The following GABRB1 variants were observed in gnomAD, a reference collection of about 807,000 sequenced individuals.
GABRB1 encodes the protein gamma-aminobutyric acid receptor subunit beta-1.
A neutral mutation model predicts 51.6 loss-of-function variants in GABRB1; 17 were observed. The ratio of observed to expected loss-of-function variants is 0.33; its 90% CI spans 0.23 to 0.49. The LOEUF is 0.49. Among genes scored for constraint, GABRB1 ranks in the 20% least tolerant of loss-of-function variants. GABRB1 has a pLI of 0.99. For synonymous variants in GABRB1, 247 were observed against 218.9 expected (o/e 1.13, Z -1.14); for missense variants, 410 against 600.6 (o/e 0.68, Z 3.32).
intron 3 of GABRB1, among the ~76,000 whole-genome samples, chr4:47,155,915 T>TTATATATATA (rs1577958436): frequency 3.5e-5 from 1 of 28,456 alleles, no homozygotes; most frequent in Non-Finnish European, 1.0e-4. Flanking sequence ...AGAGGTATTT[T>TTATATATATA]CATATATATA....
intron 1 of GABRB1, among the ~76,000 whole-genome samples, chr4:47,002,713 T>C (rs1481227806): frequency 1.3e-5 from 2 of 152,168 alleles, no homozygotes; most frequent in Non-Finnish European, 1.5e-5. Flanking sequence ...AATTAAACTT[T>C]CACTTTCCAA....
intron 7 of GABRB1, among the ~76,000 whole-genome samples, chr4:47,404,319 A>G (rs1313244333): frequency 6.6e-6 from 1 of 152,162 alleles, no homozygotes; most frequent in Non-Finnish European, 1.5e-5. Context: ...GTCATGGTTA[A>G]TTAATTGCTG....
At chr4:47,042,062 C>G (rs544337201) in intron 3 of GABRB1, among the ~76,000 whole-genome samples, 1 of 152,036 alleles carries the variant, frequency 6.6e-6, no homozygotes, top group African/African-American at 2.4e-5. Context: ...TTGCCTTTAT[C>G]CCCCTACTAT....
chr4:47,102,203 A>G (rs1300239374), intron 3 of GABRB1, among the ~76,000 whole-genome samples: 1 of 152,010 alleles, frequency 6.6e-6, no homozygotes, highest in African/African-American at 2.4e-5. Flanking sequence ...TAGGAATCCT[A>G]GTAGGATGGG....
chr4:47,135,050 T>C (rs1043167917), intron 3 of GABRB1, among the ~76,000 whole-genome samples: 1 of 151,904 alleles, frequency 6.6e-6, no homozygotes, highest in Admixed American at 6.6e-5. Flanking sequence ...AGTTCAGGAG[T>C]TCAAGGCTGC....
chr4:47,338,492 C>T (rs1470469724), intron 5 of GABRB1, among the ~76,000 whole-genome samples: 1 of 152,168 alleles, frequency 6.6e-6, no homozygotes, highest in Non-Finnish European at 1.5e-5. Flanking sequence ...TTTAACTAAG[C>T]ATTAAATTCC....
intron 3 of GABRB1, among the ~76,000 whole-genome samples, chr4:47,123,767 T>G (rs188001261): frequency 1.7e-4 from 15 of 87,388 alleles, no homozygotes; most frequent in South Asian, 3.0e-4. Flanking sequence ...TATAATATAT[T>G]ATATATCATA....
At chr4:47,126,846 G>A (rs1048422925) in intron 3 of GABRB1, among the ~76,000 whole-genome samples, 2 of 152,012 alleles carry the variant, frequency 1.3e-5, no homozygotes, top group Non-Finnish European at 1.5e-5. Flanking sequence ...GGAAAATATT[G>A]CAGGAAGATT....
At chr4:47,272,618 T>C (rs1370004339) in intron 4 of GABRB1, among the ~76,000 whole-genome samples, 1 of 152,106 alleles carries the variant, frequency 6.6e-6, no homozygotes, top group Non-Finnish European at 1.5e-5. Flanking sequence ...AAATTAAAAA[T>C]AATTCACCCT....
chr4:46,999,819 C>T (rs889993298), intron 1 of GABRB1, among the ~76,000 whole-genome samples: 2 of 152,196 alleles, frequency 1.3e-5, no homozygotes, highest in Admixed American at 6.5e-5. Flanking sequence ...GACATCACAG[C>T]CTGAATATTC....
chr4:47,275,542 C>T (rs1212619633), intron 4 of GABRB1, among the ~76,000 whole-genome samples: 3 of 152,100 alleles, frequency 2.0e-5, no homozygotes, highest in East Asian at 3.8e-4. Context: ...GATAAAGTCT[C>T]AGCATAAGGA....
At chr4:47,415,375 C>A (rs1342477638) in intron 8 of GABRB1, among the ~76,000 whole-genome samples, 1 of 151,232 alleles carries the variant, frequency 6.6e-6, no homozygotes, top group Non-Finnish European at 1.5e-5. Flanking sequence ...TTGTTTTGAC[C>A]CTTCCCTCAT....
At chr4:47,039,578 T>C (rs2109484858) in intron 3 of GABRB1, among the ~76,000 whole-genome samples, 1 of 152,212 alleles carries the variant, frequency 6.6e-6, no homozygotes, top group Non-Finnish European at 1.5e-5. Flanking sequence ...GGTGCTATGA[T>C]AGAGACATGT....
chr4:47,006,857 A>G (rs1025062972), intron 1 of GABRB1, among the ~76,000 whole-genome samples: 2 of 152,226 alleles, frequency 1.3e-5, no homozygotes, highest in Admixed American at 1.3e-4. Flanking sequence ...AGTTTACTTA[A>G]AAGAGATAAA....
chr4:47,018,056 TC>T (rs967270775), intron 1 of GABRB1, among the ~76,000 whole-genome samples: 11 of 151,994 alleles, frequency 7.2e-5, no homozygotes, highest in Non-Finnish European at 1.3e-4. Flanking sequence ...TTCCTCCTCC[TC>T]CTCTTCTTCC....
At chr4:47,080,383 C>T (rs1370510343) in intron 3 of GABRB1, among the ~76,000 whole-genome samples, 1 of 151,488 alleles carries the variant, frequency 6.6e-6, no homozygotes. Flanking sequence ...TTTCCTTTTC[C>T]TTGTGCATGA....
chr4:47,393,722 C>T (rs915074824), intron 5 of GABRB1, among the ~76,000 whole-genome samples: 1 of 152,176 alleles, frequency 6.6e-6, no homozygotes, highest in African/African-American at 2.4e-5. Context: ...ACTTCTTCTG[C>T]CAGGCAGGCC....
At chr4:47,037,652 C>T (rs116127199) in intron 3 of GABRB1, among the ~76,000 whole-genome samples, 45 of 151,214 alleles carry the variant, frequency 3.0e-4, no homozygotes, top group African/African-American at 1.0e-3. Flanking sequence ...TTTAGGATTG[C>T]AGAATCAGAC....
intron 3 of GABRB1, among the ~76,000 whole-genome samples, chr4:47,083,287 G>A (rs1480108065): frequency 1.3e-5 from 2 of 152,196 alleles, no homozygotes; most frequent in Admixed American, 1.3e-4. Flanking sequence ...GGGTTATACT[G>A]ACCTATGCTT....
Sources: gnomAD v4.1 joint callset for allele counts (sites outside exome capture counted in the v4.1 genomes callset) on GRCh38, gnomAD v4.1.1 for gene constraint, MANE v1.5 for transcripts, NCBI Gene and HGNC (gene_info 2026-07-23, HGNC 2026-07-21) for gene names.